AGBL4: variants seen among roughly 807,000 people sequenced by gnomAD.
AGBL4 encodes the protein cytosolic carboxypeptidase 6.
A neutral mutation model predicts 66.4 loss-of-function variants in AGBL4; 58 were observed. The ratio of observed to expected loss-of-function variants is 0.87; its 90% CI spans 0.71 to 1.09. The LOEUF is 1.09. Among genes scored for constraint, AGBL4 ranks in the 50% least tolerant of loss-of-function variants. The pLI is 0.00. For missense variants in AGBL4, 579 were observed against 631.0 expected (o/e 0.92, Z 0.88); for synonymous variants, 234 against 222.9 (o/e 1.05, Z -0.44).
chr1:49,232,391 T>C (rs1650383597), intron 4 of AGBL4, among the ~76,000 whole-genome samples: 2 of 152,018 alleles, frequency 1.3e-5, no homozygotes, highest in Non-Finnish European at 2.9e-5. Context: ...AAGAATATGA[T>C]CTGCATAAAA....
At chr1:49,438,653 G>A (rs1645958351) in intron 3 of AGBL4, among the ~76,000 whole-genome samples, 1 of 152,180 alleles carries the variant, frequency 6.6e-6, no homozygotes, top group Non-Finnish European at 1.5e-5. Flanking sequence ...ACAGTCATTA[G>A]TCACCCTAAT....
rs144685952 is a variant in AGBL4 at position 49,700,615 on chromosome 1, T to C, written c.158-3178A>G. Among the ~76,000 whole-genome samples the C allele has an allele frequency of 7.2e-5, 11 of 152,262 alleles. No homozygotes were observed. In the East Asian group the frequency reaches 1.9e-3, roughly 27 times the overall value. ...TCAAAACTGATCATATGCTCGTCCA[T>C]AAAGCAAGTCCCAACTAATTTCAAA... is the stretch of plus-strand genomic sequence containing the variant. On this transcript the variant is annotated intron_variant, in intron 2 of 13. Coordinates refer to ENST00000371839, the MANE Select transcript of AGBL4 (RefSeq NM_032785.4).
At chr1:49,300,617 T>G (rs1196502124) in intron 3 of AGBL4, among the ~76,000 whole-genome samples, 1 of 152,156 alleles carries the variant, frequency 6.6e-6, no homozygotes, top group Non-Finnish European at 1.5e-5. Flanking sequence ...AATCTCACCA[T>G]GTCTCACCCC....
chr1:49,072,492 C>T (rs984252056), intron 4 of AGBL4, among the ~76,000 whole-genome samples: 1 of 152,174 alleles, frequency 6.6e-6, no homozygotes, highest in African/African-American at 2.4e-5. Flanking sequence ...ATTTCTCCTT[C>T]ACTTATGAAG....
intron 3 of AGBL4, among the ~76,000 whole-genome samples, chr1:49,584,244 T>C (rs1032033338): frequency 7.2e-5 from 11 of 152,208 alleles, no homozygotes; most frequent in African/African-American, 2.4e-4. Context: ...GAACAATGTG[T>C]CTAAAATGAA....
intron 5 of AGBL4, among the ~76,000 whole-genome samples, chr1:48,927,669 C>A (rs538753562): frequency 6.6e-6 from 1 of 152,098 alleles, no homozygotes; most frequent in Non-Finnish European, 1.5e-5. Context: ...CAGACAGAAG[C>A]GAAAGGAACT....
chr1:49,216,337 G>A (rs1003687007), intron 4 of AGBL4, among the ~76,000 whole-genome samples: 3 of 152,078 alleles, frequency 2.0e-5, no homozygotes, highest in Admixed American at 6.6e-5. Context: ...TAAGGTTTGG[G>A]ATATGAATGA....
intron 5 of AGBL4, among the ~76,000 whole-genome samples, chr1:48,970,122 T>C (rs2148951910): frequency 6.6e-6 from 1 of 152,260 alleles, no homozygotes; most frequent in Non-Finnish European, 1.5e-5. Flanking sequence ...CACTTATCCA[T>C]TGTGGTGAAC....
At chr1:49,522,335 A>G (rs190268113) in intron 3 of AGBL4, among the ~76,000 whole-genome samples, 3 of 152,178 alleles carry the variant, frequency 2.0e-5, no homozygotes, top group Admixed American at 1.3e-4. Flanking sequence ...CCTAATCAAC[A>G]TCTAGCCTGT....
chr1:49,714,098 G>A (rs1381157428), intron 2 of AGBL4, among the ~76,000 whole-genome samples: 1 of 151,930 alleles, frequency 6.6e-6, no homozygotes, highest in East Asian at 1.9e-4. Context: ...ATTTTAGTAC[G>A]TGGAAACTGA....
At chr1:49,193,996 T>A (rs2148213788) in intron 4 of AGBL4, among the ~76,000 whole-genome samples, 1 of 152,332 alleles carries the variant, frequency 6.6e-6, no homozygotes, top group Admixed American at 6.5e-5. Flanking sequence ...TCTGCAATTG[T>A]TTTATCAAAT....
chr1:49,618,294 A>C (rs1012883535), intron 3 of AGBL4, among the ~76,000 whole-genome samples: 2 of 152,150 alleles, frequency 1.3e-5, no homozygotes, highest in Non-Finnish European at 2.9e-5. Context: ...TTGCTACTGC[A>C]AACAGTGCTG....
intron 6 of AGBL4, among the ~76,000 whole-genome samples, chr1:48,685,087 G>A (rs993661869): frequency 2.0e-5 from 3 of 152,050 alleles, no homozygotes; most frequent in Non-Finnish European, 4.4e-5. Flanking sequence ...CACACGGCCT[G>A]TCTGGAGGGG....
intron 2 of AGBL4, among the ~76,000 whole-genome samples, chr1:49,820,857 TA>T (rs1488894374): frequency 7.2e-5 from 11 of 152,214 alleles, no homozygotes; most frequent in Non-Finnish European, 2.9e-5. Context: ...ACTTATTAGT[TA>T]AGCGCACTTA....
chr1:49,312,722 A>T (rs947927734), intron 3 of AGBL4, among the ~76,000 whole-genome samples: 21 of 152,116 alleles, frequency 1.4e-4, no homozygotes, highest in Admixed American at 3.9e-4. Flanking sequence ...ACACAAAAAG[A>T]TACTCAACAT....
chr1:49,873,261 C>T (rs776904809), intron 1 of AGBL4, among the ~76,000 whole-genome samples: 16 of 151,858 alleles, frequency 1.1e-4, no homozygotes, highest in African/African-American at 1.9e-4. Context: ...TCACAACCTG[C>T]TAAAATTATA....
At chr1:49,419,813 A>G (rs1645504368) in intron 3 of AGBL4, among the ~76,000 whole-genome samples, 3 of 152,230 alleles carry the variant, frequency 2.0e-5, no homozygotes, top group African/African-American at 4.8e-5. Flanking sequence ...GGTTGGTGAA[A>G]TGGGTACTAT....
Position 48,587,064 on chromosome 1 carries a change from A to T in AGBL4, c.1207T>A (p.Ser403Thr). The T allele has an allele frequency of 6.2e-7, 1 of 1,606,448 alleles. No individual in the cohort carries two copies. The highest frequency in any genetic ancestry group is 8.5e-7 in the Non-Finnish European group (1 of 1,176,750). The change falls in exon 11 of 14, where the codon TCC becomes ACC. Residue 403 changes from serine to threonine, a missense_variant. Ser to Thr is a moderately conservative substitution (Grantham distance 58). Transcript: ENST00000371839. Reference protein sequence around the residue: ...HTSYCYTLEVSFYSYIISGTT... With the variant: ...HTSYCYTLEVTFYSYIISGTT... ...CCACTGATGATGTAGCTGTAGAAGG[A>T]GACCTCTAGGGTGTAGCAATAGGAA...
intron 2 of AGBL4, among the ~76,000 whole-genome samples, chr1:49,746,317 G>T (rs1650982960): frequency 1.3e-5 from 2 of 151,928 alleles, no homozygotes; most frequent in African/African-American, 4.8e-5. Flanking sequence ...GCTTCCACAT[G>T]ATAAAACTCT....
Sources: allele counts gnomAD v4.1 joint callset (sites outside exome capture counted in the v4.1 genomes callset), GRCh38; gene constraint gnomAD v4.1.1; transcripts MANE v1.5; gene names NCBI Gene and HGNC (gene_info 2026-07-23, HGNC 2026-07-21).